Variants in EVI5 observed in about 807,000 individuals in gnomAD.
EVI5 encodes ecotropic viral integration site 5, also known as ecotropic viral integration site 5 protein homolog.
In EVI5, 73 loss-of-function variants were observed where a neutral mutation model predicts 112.0. The observed-to-expected ratio is 0.65, with a 90% CI of 0.54 to 0.79. The LOEUF is 0.79. Among genes scored for constraint, EVI5 ranks in the 30% least tolerant of loss-of-function variants. The pLI, the probability that EVI5 is intolerant of heterozygous loss-of-function variation, is 0.00. For missense variants in EVI5, 900 were observed against 968.8 expected (o/e 0.93, Z 0.94); for synonymous variants, 305 against 319.9 (o/e 0.95, Z 0.50).
At chr1:92,626,287 A>T (rs1027777646) in intron 14 of EVI5, among the ~76,000 whole-genome samples, 1 of 152,212 alleles carries the variant, frequency 6.6e-6, no homozygotes, top group Non-Finnish European at 1.5e-5. Flanking sequence ...GACATTTCTT[A>T]TAAGTGGAAT....
At chr1:92,782,809 C>T (rs1685035003) in intron 1 of EVI5, among the ~76,000 whole-genome samples, 1 of 151,936 alleles carries the variant, frequency 6.6e-6, no homozygotes, top group East Asian at 1.9e-4. Context: ...AATTCATTAC[C>T]TGCGATGTTT....
Position 92,605,397 on chromosome 1 carries a change from C to T in EVI5, c.1980G>A (p.Lys660=). The T allele has an allele frequency of 1.9e-6, 3 of 1,609,358 alleles. No homozygotes were observed. The highest frequency in any genetic ancestry group is 2.2e-5 in the East Asian group (1 of 44,860). The change falls in exon 18 of 20, where the codon AAG becomes AAA. Residue 660 remains lysine, a synonymous_variant. Coordinates refer to ENST00000684568, the MANE Select transcript of EVI5 (RefSeq NM_001350197.2). ...RKQAEIECKN[K]EEVMAVRLRE... The stretch of plus-strand genomic sequence containing the variant: ...GAAGCCTCACAGCCATCACTTCTTC[C>T]TTATTCTAGTGTGGTAAACCAAACC...
chr1:92,748,263 GC>G (rs1407039824), intron 1 of EVI5, among the ~76,000 whole-genome samples: 1 of 152,098 alleles, frequency 6.6e-6, no homozygotes, highest in Non-Finnish European at 1.5e-5. Flanking sequence ...GCCCAAACTA[GC>G]CCACGCAGAG....
At position 92,513,761 on chromosome 1, in the gene EVI5, A is replaced by G. The variant is rs1253277214; in HGVS notation, c.2376T>C (p.Ser792=). The G allele has an allele frequency of 9.9e-6, 16 of 1,613,098 alleles. No homozygotes were observed. The highest frequency in any genetic ancestry group is 1.4e-5 in the Non-Finnish European group (16 of 1,179,732). Residue 792 remains serine (S), a synonymous_variant, in exon 20 of 20, where the codon AGT becomes AGC. Transcript: ENST00000684568. ...MSLDPAVADG[S]ESETEDSVLE... ...GCACACTGTCTTCTGTTTCGCTCTC[A>G]CTACCATCTGCCACTGCGGGGTCCA...
rs1664239383 is a variant in EVI5 at position 92,662,750 on chromosome 1, G to A, written c.1361C>T (p.Thr454Ile). 7.8e-7 allele frequency: 1 copy of A among 1,285,548 alleles called. No individual in the cohort carries two copies. Among genetic ancestry groups the A allele is most frequent in the South Asian group, 1.2e-5 (1 of 80,378 alleles). The allele number at this position is 1,285,548 out of a possible 1,614,324, so 79.6% of individuals were successfully genotyped here. ...ASAKLEQAEN[T>I]IRKLQHQQQW... ...TTGTTGGTGCTGGAGCTTCCTGATG[G>A]TATTTTCAGCTTGCTCCAGCTTAGC... Residue 454 changes from threonine to isoleucine, a missense_variant, in exon 13 of 20, where the codon ACC (threonine) becomes ATC (isoleucine). By Grantham distance (89) the Thr-to-Ile change is moderately conservative (BLOSUM62 -1). Coordinates refer to ENST00000684568, the MANE Select transcript of EVI5 (RefSeq NM_001350197.2).
At chr1:92,784,736 C>G in intron 1 of EVI5, 100 bp downstream of exon 1, 3 of 880,678 alleles carry the variant, frequency 3.4e-6, no homozygotes, top group Non-Finnish European at 4.1e-6. Context: ...TTGCGGCGGC[C>G]CCCGCCCGCC....
chr1:92,750,912 A>G (rs1680083994), intron 1 of EVI5, among the ~76,000 whole-genome samples: 1 of 152,162 alleles, frequency 6.6e-6, no homozygotes, highest in Admixed American at 6.5e-5. Context: ...GCACTTTGGG[A>G]GGCCGAGGCG....
chr1:92,721,879 T>A (rs1674809122), intron 2 of EVI5, among the ~76,000 whole-genome samples: 1 of 152,148 alleles, frequency 6.6e-6, no homozygotes, highest in African/African-American at 2.4e-5. Context: ...AAAAATAAAT[T>A]CAACTTTGGT....
intron 17 of EVI5, 179 bp downstream of exon 17, chr1:92,607,402 C>A: frequency 4.5e-6 from 2 of 440,286 alleles, no homozygotes; most frequent in South Asian, 6.4e-5. Context: ...AAAATCCACC[C>A]CAGAAGCAAG....
intron 13 of EVI5, among the ~76,000 whole-genome samples, chr1:92,654,792 G>A (rs752495331): frequency 1.3e-5 from 2 of 151,996 alleles, no homozygotes; most frequent in Non-Finnish European, 2.9e-5. Context: ...TGAAAATCAA[G>A]TCTGGAAATG....
chr1:92,585,979 C>G (rs1672713152), intron 18 of EVI5, among the ~76,000 whole-genome samples: 1 of 151,924 alleles, frequency 6.6e-6, no homozygotes, highest in African/African-American at 2.4e-5. Flanking sequence ...TCTTGTCAGC[C>G]TTGAGTCATT....
intron 2 of EVI5, among the ~76,000 whole-genome samples, chr1:92,715,294 C>T (rs544652800): frequency 1.3e-5 from 2 of 152,152 alleles, no homozygotes; most frequent in Admixed American, 6.5e-5. Flanking sequence ...CAGGCATAAG[C>T]CACCGTGCCC....
intron 9 of EVI5, among the ~76,000 whole-genome samples, chr1:92,686,602 A>G (rs1668572096): frequency 6.6e-6 from 1 of 152,194 alleles, no homozygotes; most frequent in Non-Finnish European, 1.5e-5. Context: ...AGGAAGTCAA[A>G]TTGTCCCTGT....
At chr1:92,761,640 G>C (rs1397412187) in intron 1 of EVI5, among the ~76,000 whole-genome samples, 2 of 23,042 alleles carry the variant, frequency 8.7e-5, no homozygotes, top group Non-Finnish European at 1.6e-4. Context: ...ACCAGTTCCA[G>C]TAAGATTTTT....
intron 9 of EVI5, among the ~76,000 whole-genome samples, chr1:92,687,072 A>G (rs1408293045): frequency 6.6e-6 from 1 of 152,176 alleles, no homozygotes; most frequent in Non-Finnish European, 1.5e-5. Context: ...AAAAGAGCCC[A>G]CATTGCCGAA....
chr1:92,702,030 G>T, intron 5 of EVI5, 111 bp downstream of exon 5: 1 of 556,778 alleles, frequency 1.8e-6, no homozygotes, highest in Non-Finnish European at 3.1e-6. Flanking sequence ...TTATGCCTAG[G>T]AAAAAATACC....
At chr1:92,740,336 A>G (rs1160561486) in intron 1 of EVI5, among the ~76,000 whole-genome samples, 1 of 152,144 alleles carries the variant, frequency 6.6e-6, no homozygotes, top group African/African-American at 2.4e-5. Context: ...TTCCACCACC[A>G]CACCACAATG....
At chr1:92,551,145 G>A (rs6689964) in intron 19 of EVI5, among the ~76,000 whole-genome samples, 1,867 of 138,318 alleles carry the variant, frequency 0.013, 45 homozygotes, top group African/African-American at 0.045. Context: ...TGGGTCAAGC[G>A]ATCCTCTCAC....
intron 1 of EVI5, among the ~76,000 whole-genome samples, chr1:92,783,317 G>C (rs973838023): frequency 1.3e-4 from 20 of 150,552 alleles, no homozygotes; most frequent in African/African-American, 4.9e-4. Context: ...TTTGAGGTCA[G>C]GAGTTCGAGA....
Sources: gnomAD v4.1 joint callset for allele counts (sites outside exome capture counted in the v4.1 genomes callset) on GRCh38, gnomAD v4.1.1 for gene constraint, MANE v1.5 for transcripts, NCBI Gene and HGNC (gene_info 2026-07-23, HGNC 2026-07-21) for gene names.